Variants in CDYL2 observed in about 807,000 individuals in gnomAD.
CDYL2 encodes the protein chromodomain Y like 2, also known as chromodomain Y-like protein 2.
In CDYL2, 23 loss-of-function variants were observed where a neutral mutation model predicts 49.4. That is an observed-to-expected ratio of 0.47 (90% CI 0.34 to 0.66). CDYL2 has a LOEUF of 0.66. Among genes scored for constraint, CDYL2 ranks in the 30% least tolerant of loss-of-function variants. CDYL2 has a pLI of 0.01. For missense variants in CDYL2, 678 were observed against 656.4 expected (o/e 1.03, Z -0.36); for synonymous variants, 360 against 268.8 (o/e 1.34, Z -3.32).
chr16:80,622,871 T>C (rs1907143657), intron 3 of CDYL2, among the ~76,000 whole-genome samples: 1 of 152,148 alleles, frequency 6.6e-6, no homozygotes, highest in African/African-American at 2.4e-5. Flanking sequence ...GCAACTATTT[T>C]TGGATGAGCC....
intron 1 of CDYL2, among the ~76,000 whole-genome samples, chr16:80,739,239 G>A (rs577093894): frequency 6.6e-5 from 10 of 152,288 alleles, no homozygotes; most frequent in African/African-American, 2.2e-4. Context: ...GGTTACCAAG[G>A]ACTGGGGGAG....
Position 80,684,632 on chromosome 16 carries a change from G to A in CDYL2, c.522C>T (p.Ser174=), listed in dbSNP as rs370582000. ...EKDERHFGNG[S]HQPGLDLNDH... ...CATTCAAATCCAAGCCAGGCTGATGGGACCCATTTCCAAAGTGCCTCTCAT... is the reference window on the plus strand; with the variant it reads ...CATTCAAATCCAAGCCAGGCTGATGAGACCCATTTCCAAAGTGCCTCTCAT... The change falls in exon 2 of 7, where the codon TCC becomes TCT. Residue 174 remains serine (S), a synonymous_variant. Coordinates refer to ENST00000570137, the MANE Select transcript of CDYL2 (RefSeq NM_152342.4). 3.7e-6 allele frequency: 6 copies of A among 1,614,112 alleles called. No individual in the cohort carries two copies. The highest frequency in any genetic ancestry group is 3.4e-6 in the Non-Finnish European group (4 of 1,180,002).
rs1906245683 is a variant in CDYL2, at chr16:80,604,526, G to A, written c.1383C>T (p.Cys461=). Residue 461 remains cysteine (C), a synonymous_variant, in exon 7 of 7, where the codon TGC becomes TGT. Transcript: ENST00000570137. ...CSAVVLEESK[C]LVRSFLKSVL... Reference sequence around the variant, plus strand: ...CTGATTTCAGGAAGCTCCGCACGAGGCATTTGGACTCCTCTAACACCTAGA... The same window carrying A: ...CTGATTTCAGGAAGCTCCGCACGAGACATTTGGACTCCTCTAACACCTAGA... 6.2e-7 allele frequency: 1 copy of A among 1,614,212 alleles called. No individual in the cohort carries two copies.
intron 2 of CDYL2, among the ~76,000 whole-genome samples, chr16:80,679,545 C>G (rs1909890921): frequency 6.6e-6 from 1 of 152,212 alleles, no homozygotes; most frequent in Non-Finnish European, 1.5e-5. Flanking sequence ...AGAAAAACTA[C>G]CTCTCACGAC....
chr16:80,697,829 T>G (rs1037916851), intron 1 of CDYL2, among the ~76,000 whole-genome samples: 2 of 151,832 alleles, frequency 1.3e-5, no homozygotes, highest in African/African-American at 4.8e-5. Flanking sequence ...TACCTAGGAA[T>G]AAATTTAACC....
chr16:80,672,415 T>A lies in CDYL2; in HGVS notation c.616+12123A>T, dbSNP rs1390446854. On this transcript the variant is annotated intron_variant, in intron 2 of 6. Transcript: ENST00000570137. The stretch of plus-strand genomic sequence containing the variant: ...TTTGTGTGTGATTAAGATCTAATGA[T>A]ACAGTCAGATATCACAGGATAAGGT... Among the ~76,000 whole-genome samples, 10 of 146,908 alleles carry A rather than the reference T, an allele frequency of 6.8e-5. No homozygotes were observed. The South Asian group carries it at 2.2e-3, about 32-fold the overall frequency.
chr16:80,732,110 G>C (rs1328591963), intron 1 of CDYL2, among the ~76,000 whole-genome samples: 2 of 152,098 alleles, frequency 1.3e-5, no homozygotes, highest in African/African-American at 4.8e-5. Flanking sequence ...CAAATTATGA[G>C]AGTCATCATT....
In CDYL2 at chr16:80,598,886, T is replaced by C. The variant is rs1905954625; in HGVS notation, c.*5502A>G. 6.6e-6 allele frequency: 1 copy of C among 152,100 alleles called. No homozygotes were observed. Among genetic ancestry groups the C allele is most frequent in the Admixed American group, 6.5e-5 (1 of 15,274 alleles). The allele number at this position is 152,100 out of a possible 1,614,324, so 9.4% of individuals were successfully genotyped here. A position where few individuals can be genotyped will look rare whatever the true frequency, so the allele number is the denominator to read the frequency against. On this transcript the variant is annotated 3_prime_UTR_variant, in exon 7 of 7. Coordinates refer to ENST00000570137, the MANE Select transcript of CDYL2 (RefSeq NM_152342.4). ...GCCCACAATCTATGAAACTCAGGCT[T>C]TGTTAGAATAATGGAATTCTTTGGT...
intron 3 of CDYL2, among the ~76,000 whole-genome samples, chr16:80,622,835 C>T (rs1388641939): frequency 1.3e-5 from 2 of 152,134 alleles, no homozygotes; most frequent in African/African-American, 2.4e-5. Context: ...GCATGCAGCC[C>T]GGCTATTCAG....
At chr16:80,755,452 T>G (rs981119125) in intron 1 of CDYL2, among the ~76,000 whole-genome samples, 1 of 152,158 alleles carries the variant, frequency 6.6e-6, no homozygotes, top group African/African-American at 2.4e-5. Flanking sequence ...GGAAAACAAC[T>G]CTGAATACCT....
intron 4 of CDYL2, among the ~76,000 whole-genome samples, chr16:80,614,900 G>C (rs1167480474): frequency 6.6e-6 from 1 of 150,380 alleles, no homozygotes; most frequent in East Asian, 1.9e-4. Flanking sequence ...AAGTTGAGCT[G>C]ATTTATCTCT....
chr16:80,774,915 T>A (rs1184177771), intron 1 of CDYL2, among the ~76,000 whole-genome samples: 6 of 145,052 alleles, frequency 4.1e-5, no homozygotes, highest in South Asian at 2.2e-4. Context: ...AAAAAAAAAA[T>A]GCCTTATCAC....
intron 1 of CDYL2, among the ~76,000 whole-genome samples, chr16:80,702,183 A>AACACACACACACACACACACACACAC (rs35071485): frequency 3.5e-5 from 5 of 142,772 alleles, no homozygotes; most frequent in African/African-American, 1.3e-4. Flanking sequence ...GAAGGCCTAA[A>AACACACACACACACACACACACACAC]ACACACACAC....
chr16:80,759,214 C>T (rs1488630606), intron 1 of CDYL2, among the ~76,000 whole-genome samples: 2 of 136,522 alleles, frequency 1.5e-5, no homozygotes, highest in South Asian at 2.3e-4. Flanking sequence ...TGTTAATCTA[C>T]CTATGATATA....
At position 80,640,642 on chromosome 16, in the gene CDYL2, C is replaced by A. The variant is rs548381529; in HGVS notation, c.617-7406G>T. 9.9e-5 allele frequency among the ~76,000 whole-genome samples: 15 copies of A among 152,178 alleles called. No individual in the cohort carries two copies. In the South Asian group the frequency reaches 2.9e-3, roughly 30 times the overall value. On this transcript the variant is annotated intron_variant, in intron 2 of 6. Coordinates refer to ENST00000570137, the MANE Select transcript of CDYL2 (RefSeq NM_152342.4). ...ACCCTGGAGCAAGGGAGATATGTGA[C>A]CTTTCAGGCAGAGAATTCAAAGTAG... is the stretch of plus-strand genomic sequence containing the variant.
intron 3 of CDYL2, chr16:80,627,631 G>T (rs1276559299): frequency 6.6e-6 from 1 of 152,098 alleles, no homozygotes; most frequent in African/African-American, 2.4e-5. Context: ...AATGTAACTG[G>T]TTCATTTAAA....
intron 1 of CDYL2, among the ~76,000 whole-genome samples, chr16:80,714,933 C>A (rs1022107763): frequency 2.0e-4 from 30 of 152,078 alleles, no homozygotes; most frequent in African/African-American, 7.2e-4. Flanking sequence ...TCTGTCCCCC[C>A]AAGTAGGATG....
At chr16:80,696,342 G>T (rs762820157) in intron 1 of CDYL2, among the ~76,000 whole-genome samples, 23 of 151,798 alleles carry the variant, frequency 1.5e-4, no homozygotes, top group Non-Finnish European at 2.8e-4. Flanking sequence ...AACTAGAAAA[G>T]CAAGAAAAAA....
chr16:80,779,462 G>A (rs1907194390), intron 1 of CDYL2, among the ~76,000 whole-genome samples: 1 of 151,988 alleles, frequency 6.6e-6, no homozygotes. Flanking sequence ...TAATTTGACA[G>A]TATTATCAGA....
Sources: gnomAD v4.1 joint callset for allele counts (sites outside exome capture counted in the v4.1 genomes callset) on GRCh38, gnomAD v4.1.1 for gene constraint, MANE v1.5 for transcripts, NCBI Gene and HGNC (gene_info 2026-07-23, HGNC 2026-07-21) for gene names.